Variants in STXBP4 observed in about 807,000 individuals in gnomAD.
STXBP4 encodes the protein syntaxin binding protein 4.
STXBP4 carries 55 observed loss-of-function variants against 76.1 expected under a neutral mutation model. That is an observed-to-expected ratio of 0.72 (90% confidence interval 0.58 to 0.91). The LOEUF (loss-of-function observed/expected upper bound fraction) is 0.91. Ranked by LOEUF, STXBP4 falls within the 40% of genes least tolerant of loss-of-function variation. STXBP4 has a pLI of 0.00. For missense variants in STXBP4, 618 were observed against 636.9 expected, an observed-to-expected ratio of 0.97 and a Z score of 0.32; for synonymous variants, 201 against 220.2, an observed-to-expected ratio of 0.91 and a Z score of 0.77.
the STXBP4 span, among the ~76,000 whole-genome samples, chr17:55,211,799 G>GTTTT: frequency 0.023 from 1,127 of 48,906 alleles, 82 homozygotes; most frequent in Non-Finnish European, 0.03. Context: ...GTTTTTTGTT[G>GTTTT]TTTTTTTTTT....
At chr17:55,048,366 C>CT (rs2078818191) in intron 12 of STXBP4, among the ~76,000 whole-genome samples, 1 of 151,976 alleles carries the variant, frequency 6.6e-6, no homozygotes, top group Admixed American at 6.6e-5. Flanking sequence ...GAACTAAGAA[C>CT]TTTTTCTGTG....
chr17:55,009,908 T>C (rs907767171), intron 8 of STXBP4, among the ~76,000 whole-genome samples: 1 of 152,044 alleles, frequency 6.6e-6, no homozygotes, highest in African/African-American at 2.4e-5. Context: ...TGTCATAATA[T>C]CAGTATCATC....
At position 55,166,227 on chromosome 17, in the gene STXBP4, A is replaced by G. The variant is rs2080377114; in HGVS notation, c.*6316A>G. Reference sequence around the variant, plus strand: ...TAAAAAAAGGAATACATCCTAGAACATTTCTTAAATATATTCCCTTTTCTC... The same window carrying G: ...TAAAAAAAGGAATACATCCTAGAACGTTTCTTAAATATATTCCCTTTTCTC... On this transcript the variant is annotated 3_prime_UTR_variant, in exon 18 of 18. Transcript: ENST00000376352. 1 of 152,150 alleles carries G rather than the reference A, an allele frequency of 6.6e-6. No homozygotes were observed. Among genetic ancestry groups the G allele is most frequent in the African/African-American group, 2.4e-5 (1 of 41,436 alleles). The allele number at this position is 152,150 out of a possible 1,614,324, so 9.4% of individuals were successfully genotyped here.
At chr17:55,116,143 A>T (rs1383117511) in intron 16 of STXBP4, among the ~76,000 whole-genome samples, 1 of 151,810 alleles carries the variant, frequency 6.6e-6, no homozygotes, top group African/African-American at 2.4e-5. Flanking sequence ...ATTTATAAAC[A>T]TATATTTTTA....
intron 1 of STXBP4, among the ~76,000 whole-genome samples, chr17:54,974,286 G>C (rs1308514234): frequency 6.6e-6 from 1 of 152,180 alleles, no homozygotes; most frequent in Non-Finnish European, 1.5e-5. Flanking sequence ...TGAATAAATA[G>C]TAAGTACAAA....
At chr17:55,202,890 G>T in the STXBP4 span, among the ~76,000 whole-genome samples, 6 of 152,240 alleles carry the variant, frequency 3.9e-5, no homozygotes, top group African/African-American at 1.4e-4. Context: ...GTAGTCTGGA[G>T]GATGGGCATA....
At chr17:55,212,102 G>C in the STXBP4 span, among the ~76,000 whole-genome samples, 2 of 151,930 alleles carry the variant, frequency 1.3e-5, no homozygotes, top group African/African-American at 4.8e-5. Context: ...TTACCGGCAT[G>C]AGCCACCGCG....
At chr17:54,997,536 CATAAATATATATAAT>C (rs932203713) in intron 4 of STXBP4, among the ~76,000 whole-genome samples, 5 of 138,780 alleles carry the variant, frequency 3.6e-5, no homozygotes, top group African/African-American at 7.8e-5. Context: ...ATATATATAA[CATAAATATATATAAT>C]ATAAATATAT....
intron 10 of STXBP4, among the ~76,000 whole-genome samples, chr17:55,035,490 G>A (rs1053468888): frequency 1.3e-5 from 2 of 151,520 alleles, no homozygotes; most frequent in Non-Finnish European, 3.0e-5. Flanking sequence ...ACACATAATT[G>A]TATGCTTGCG....
intron 12 of STXBP4, among the ~76,000 whole-genome samples, chr17:55,070,611 T>C (rs992523538): frequency 6.6e-6 from 1 of 152,170 alleles, no homozygotes; most frequent in African/African-American, 2.4e-5. Context: ...CACTGTTTTC[T>C]CATATCATTT....
chr17:55,102,801 T>A (rs1443386028), intron 16 of STXBP4, among the ~76,000 whole-genome samples: 1 of 152,204 alleles, frequency 6.6e-6, no homozygotes, highest in East Asian at 1.9e-4. Flanking sequence ...GTTTCCTGAC[T>A]TTTTAATGAT....
intron 16 of STXBP4, among the ~76,000 whole-genome samples, chr17:55,136,098 G>T (rs1200616950): frequency 6.6e-6 from 1 of 152,090 alleles, no homozygotes; most frequent in African/African-American, 2.4e-5. Context: ...AAATTGTTGT[G>T]ATGTACAATG....
chr17:55,077,410 A>G (rs2079196508), intron 13 of STXBP4, among the ~76,000 whole-genome samples: 1 of 152,150 alleles, frequency 6.6e-6, no homozygotes, highest in Non-Finnish European at 1.5e-5. Context: ...TTGGTTAGGA[A>G]TTATTCAGGA....
the STXBP4 span, among the ~76,000 whole-genome samples, chr17:55,201,162 G>A: frequency 6.6e-6 from 1 of 152,192 alleles, no homozygotes; most frequent in Admixed American, 6.5e-5. Flanking sequence ...ATGGCAGCGG[G>A]TAAGCTGTGG....
At chr17:54,990,526 C>A (rs1047266155) in intron 3 of STXBP4, among the ~76,000 whole-genome samples, 4 of 152,042 alleles carry the variant, frequency 2.6e-5, no homozygotes, top group Non-Finnish European at 5.9e-5. Context: ...CTCAGGGCTC[C>A]CCCTGATTCT....
At chr17:54,990,681 C>G (rs947968849) in intron 3 of STXBP4, 144 bp from the exon 4 acceptor site, 4 of 918,294 alleles carry the variant, frequency 4.4e-6, no homozygotes, top group Non-Finnish European at 6.1e-6. Flanking sequence ...GAAAAATTGT[C>G]TTCCATGAAA....
downstream of STXBP4, among the ~76,000 whole-genome samples, chr17:55,176,049 A>C (rs995273499): frequency 6.6e-6 from 1 of 152,206 alleles, no homozygotes; most frequent in South Asian, 2.1e-4. Context: ...GAGGTCTGCT[A>C]TCTGAGAAAG....
At chr17:55,158,910 A>G (rs1388158081) in intron 17 of STXBP4, among the ~76,000 whole-genome samples, 1 of 152,254 alleles carries the variant, frequency 6.6e-6, no homozygotes. Context: ...TTTAGAATTA[A>G]TAAGAGTTAA....
At chr17:55,054,736 A>G (rs2078903321) in intron 12 of STXBP4, among the ~76,000 whole-genome samples, 1 of 152,184 alleles carries the variant, frequency 6.6e-6, no homozygotes, top group Non-Finnish European at 1.5e-5. Flanking sequence ...TATAGCACAT[A>G]CCACTCAACA....
Sources: gnomAD v4.1 joint callset for allele counts (sites outside exome capture counted in the v4.1 genomes callset) on GRCh38, gnomAD v4.1.1 for gene constraint, MANE v1.5 for transcripts, NCBI Gene and HGNC (gene_info 2026-07-23, HGNC 2026-07-21) for gene names.